Variants in TBX19 observed in about 807,000 individuals in gnomAD.
The protein encoded by TBX19 is T-box transcription factor TBX19.
In TBX19, 33 loss-of-function variants were observed where a neutral mutation model predicts 40.9. The ratio of observed to expected loss-of-function variants is 0.81; its 90% CI spans 0.61 to 1.08. The LOEUF is 1.08. Ranked by LOEUF, TBX19 falls within the 50% of genes least tolerant of loss-of-function variation. TBX19 has a pLI of 0.00. For synonymous variants in TBX19, 220 were observed against 225.0 expected, an observed-to-expected ratio of 0.98 and a Z score of 0.20; for missense variants, 494 against 574.0, an observed-to-expected ratio of 0.86 and a Z score of 1.42.
At chr1:168,299,271 C>G (rs992687813) in intron 4 of TBX19, among the ~76,000 whole-genome samples, 7 of 152,004 alleles carry the variant, frequency 4.6e-5, no homozygotes, top group African/African-American at 1.2e-4. Context: ...TTATCACTGA[C>G]TTTTTAATTG....
chr1:168,309,743 C>T (rs185413204), intron 7 of TBX19, among the ~76,000 whole-genome samples: 48 of 152,236 alleles, frequency 3.2e-4, no homozygotes, highest in African/African-American at 1.1e-3. Context: ...GTCTGACAGG[C>T]AGGGGTTTGA....
intron 3 of TBX19, 152 bp from the exon 4 acceptor site, chr1:168,297,572 A>C (rs567049651): frequency 1.4e-6 from 1 of 731,810 alleles, no homozygotes; most frequent in East Asian, 2.7e-5. Context: ...TCTGCCTCTC[A>C]GAGTGCTGGG....
At chr1:168,304,884 C>A in intron 5 of TBX19, 124 bp from the exon 6 acceptor site, 1 of 989,582 alleles carries the variant, frequency 1.0e-6, no homozygotes, top group Non-Finnish European at 1.6e-6. Flanking sequence ...AGGCTGGCAC[C>A]ATCACACAGG....
chr1:168,285,766 G>T (rs1648789831), intron 1 of TBX19, among the ~76,000 whole-genome samples: 1 of 152,072 alleles, frequency 6.6e-6, no homozygotes, highest in African/African-American at 2.4e-5. Context: ...GCTACATCTA[G>T]GAAAAAAATG....
intron 6 of TBX19, 124 bp downstream of exon 6, chr1:168,305,320 A>T (rs1649375239): frequency 1.2e-6 from 1 of 834,634 alleles, no homozygotes; most frequent in Middle Eastern, 3.5e-4. Context: ...ATATACATCT[A>T]TGATATGATT....
At chr1:168,298,122 G>C (rs576315411) in intron 4 of TBX19, among the ~76,000 whole-genome samples, 6 of 152,268 alleles carry the variant, frequency 3.9e-5, no homozygotes, top group Admixed American at 1.3e-4. Flanking sequence ...CGTGAACCCG[G>C]GAGGCGGAGC....
Position 168,305,015 on chromosome 1 carries a change from C to G in TBX19, c.735C>G (p.Gly245=). The G allele has an allele frequency of 6.2e-7, 1 of 1,614,034 alleles. No individual in the cohort carries two copies. ...TCCTCTTGTCTATTTTAGTGGGAGG[C>G]TGGATCTTTTCCAATCCAGATGGAG... The part of the protein sequence containing the change: ...SQHVTYSHLG[G]WIFSNPDGVC... Residue 245 remains glycine, a synonymous_variant, in exon 6 of 8, where the codon GGC becomes GGG. Coordinates refer to ENST00000367821, the MANE Select transcript of TBX19 (RefSeq NM_005149.3).
intron 1 of TBX19, among the ~76,000 whole-genome samples, chr1:168,284,322 A>T (rs1648750890): frequency 6.6e-6 from 1 of 152,180 alleles, no homozygotes; most frequent in African/African-American, 2.4e-5. Context: ...CCATCCTTTA[A>T]GCTGGAAACT....
chr1:168,284,071 C>T (rs1195956630), intron 1 of TBX19, among the ~76,000 whole-genome samples: 1 of 152,166 alleles, frequency 6.6e-6, no homozygotes, highest in African/African-American at 2.4e-5. Context: ...ATGTTGGCCT[C>T]TCTTCTTTCG....
chr1:168,302,592 A>G (rs1432530400), intron 5 of TBX19, among the ~76,000 whole-genome samples: 3 of 152,180 alleles, frequency 2.0e-5, no homozygotes, highest in Admixed American at 6.5e-5. Context: ...GAATCTTTCT[A>G]CAAAACATTT....
At chr1:168,287,306 C>G (rs1459414543) in intron 1 of TBX19, among the ~76,000 whole-genome samples, 1 of 152,110 alleles carries the variant, frequency 6.6e-6, no homozygotes, top group Non-Finnish European at 1.5e-5. Flanking sequence ...CTAAGTGCAC[C>G]TCCTCTAACA....
At chr1:168,297,923 G>T in intron 4 of TBX19, 138 bp downstream of exon 4, 1 of 791,070 alleles carries the variant, frequency 1.3e-6, no homozygotes, top group Non-Finnish European at 2.1e-6. Context: ...TCGGCCAGGT[G>T]CGGTGGCTCA....
At chr1:168,312,467 C>T (rs1429300045) in intron 7 of TBX19, among the ~76,000 whole-genome samples, 1 of 152,200 alleles carries the variant, frequency 6.6e-6, no homozygotes, top group East Asian at 1.9e-4. Flanking sequence ...CCAAATAATT[C>T]GCTGGTGGCC....
At chr1:168,307,498 C>G (rs1649432079) in intron 6 of TBX19, among the ~76,000 whole-genome samples, 1 of 152,084 alleles carries the variant, frequency 6.6e-6, no homozygotes, top group Non-Finnish European at 1.5e-5. Context: ...ATGGCCTAGT[C>G]ACCTCTTAAA....
Position 168,308,756 on chromosome 1 carries a change from A to G in TBX19, c.931A>G (p.Ser311Gly). 1 of 1,614,142 alleles carries G rather than the reference A, an allele frequency of 6.2e-7. No individual in the cohort carries two copies. Among genetic ancestry groups the G allele is most frequent in the Non-Finnish European group, 8.5e-7 (1 of 1,180,024 alleles). The change falls in exon 7 of 8, where the codon AGC (serine) becomes GGC (glycine). Residue 311 changes from serine to glycine, a missense_variant. This residue lies in a region of TBX19 where 284 missense variants were observed against 307.3 expected (regional missense o/e 0.92). Coordinates refer to ENST00000367821, the MANE Select transcript of TBX19 (RefSeq NM_005149.3). ...ATTTCCCCAAGTGAATTTGATAGAA[A>G]GCTCAAGCAATAATCTGCAAGTTTT... ...NHSPSVNLIE[S>G]SSNNLQVFSG... is the part of the protein sequence containing the mutation.
In TBX19 at chr1:168,312,721, C is replaced by T. The variant is rs765359182; in HGVS notation, c.1066C>T (p.Leu356=). 3.7e-6 allele frequency: 6 copies of T among 1,613,278 alleles called. No individual in the cohort carries two copies. In the Admixed American group the frequency reaches 8.3e-5, roughly 22 times the overall value. The stretch of plus-strand genomic sequence containing the variant: ...CTGTCTCTGCAGCCCCTACCCGTGC[C>T]TGTGGACCATCAGCAATGGTGCCGG... ...INPGPSPYPC[L]WTISNGAGGP... The change falls in exon 8 of 8, where the codon CTG becomes TTG. Residue 356 remains leucine, a synonymous_variant. Coordinates refer to ENST00000367821, the MANE Select transcript of TBX19 (RefSeq NM_005149.3).
At chr1:168,300,100 A>G (rs2075976) in intron 4 of TBX19, among the ~76,000 whole-genome samples, 2 of 151,970 alleles carry the variant, frequency 1.3e-5, no homozygotes, top group Non-Finnish European at 2.9e-5. Context: ...TAATTGTGCC[A>G]TGGAATTGTG....
At chr1:168,281,384 C>A in intron 1 of TBX19, 91 bp downstream of exon 1, 1 of 1,223,264 alleles carries the variant, frequency 8.2e-7, no homozygotes, top group Non-Finnish European at 1.2e-6. Flanking sequence ...GCTCTTCACT[C>A]AGAGGCGGCG....
rs1649559509 is a variant in TBX19, at chr1:168,312,887, C to G, written c.1232C>G (p.Pro411Arg). The change falls in exon 8 of 8, where the codon CCC becomes CGC. Residue 411 changes from proline to arginine, a missense_variant. Physicochemically the swap from Pro to Arg is moderately radical, Grantham distance 103. Around this residue, in one of 3 missense-constraint regions of TBX19, gnomAD observed 284 missense variants for 307.3 expected, o/e 0.92. Transcript: ENST00000367821. Reference sequence around the variant, plus strand: ...GCTGGTGTGGAGGTTCTGGGGGAGCCCTCGCTAACCAGCATTGCTGTGTCC... The same window carrying G: ...GCTGGTGTGGAGGTTCTGGGGGAGCGCTCGCTAACCAGCATTGCTGTGTCC... The part of the protein sequence containing the change: ...TSAGVEVLGE[P>R]SLTSIAVSTW... 6.2e-7 allele frequency: 1 copy of G among 1,614,142 alleles called. No homozygotes were observed.
Sources: allele counts gnomAD v4.1 joint callset (sites outside exome capture counted in the v4.1 genomes callset), GRCh38; gene constraint gnomAD v4.1.1; regional missense constraint gnomAD v4.1.1; transcripts MANE v1.5; gene names NCBI Gene and HGNC (gene_info 2026-07-23, HGNC 2026-07-21).